The following IMMP2L variants were observed in gnomAD, a reference collection of about 807,000 sequenced individuals.
IMMP2L encodes the protein inner mitochondrial membrane peptidase subunit 2, also known as mitochondrial inner membrane protease subunit 2.
A neutral mutation model predicts 19.3 loss-of-function variants in IMMP2L; 18 were observed. That is an observed-to-expected ratio of 0.93 (90% CI 0.64 to 1.38). IMMP2L has a LOEUF of 1.38. Among genes scored for constraint, IMMP2L ranks in the 40% most tolerant of loss-of-function variants. The probability of loss-of-function intolerance (pLI) is 0.00; values close to 1 mark genes in which losing one functional copy is unlikely to be tolerated. For synonymous variants in IMMP2L, 76 were observed against 73.0 expected (o/e 1.04, Z -0.21); for missense variants, 233 against 218.2 (o/e 1.07, Z -0.43).
chr7:111,450,532 T>G (rs1226883642), intron 3 of IMMP2L, among the ~76,000 whole-genome samples: 1 of 150,560 alleles, frequency 6.6e-6, no homozygotes, highest in Non-Finnish European at 1.5e-5. Context: ...CTGGATCCCT[T>G]CCTTACACCT....
At chr7:111,398,750 T>C (rs760989902) in intron 3 of IMMP2L, among the ~76,000 whole-genome samples, 16 of 151,956 alleles carry the variant, frequency 1.1e-4, no homozygotes, top group Non-Finnish European at 2.1e-4. Flanking sequence ...AGAAAGCTCC[T>C]AGAACTGATA....
At position 111,401,028 on chromosome 7, in the gene IMMP2L, T is replaced by C. The variant is rs543261426; in HGVS notation, c.239+86210A>G. 9.5e-4 allele frequency among the ~76,000 whole-genome samples: 145 copies of C among 152,296 alleles called. 1 individual carries two copies. Among genetic ancestry groups the C allele is most frequent in the Non-Finnish European group, 3.5e-4 (24 of 68,026 alleles). On this transcript the variant is annotated intron_variant, in intron 3 of 5. Transcript: ENST00000405709. ...ATTTCCTTGCTCTAGTTTAGTTGTT[T>C]TTAATATTTCCATAAATGTTGGGAG...
At chr7:111,161,612 A>G (rs1283465673) in intron 3 of IMMP2L, among the ~76,000 whole-genome samples, 2 of 152,014 alleles carry the variant, frequency 1.3e-5, no homozygotes, top group Non-Finnish European at 2.9e-5. Flanking sequence ...TGTTTTAGGT[A>G]TCCTATCATG....
intron 3 of IMMP2L, among the ~76,000 whole-genome samples, chr7:111,340,770 T>C (rs533921827): frequency 1.7e-4 from 26 of 152,230 alleles, no homozygotes; most frequent in African/African-American, 6.0e-4. Context: ...ATTGAACTTC[T>C]GTTATAAATA....
At chr7:111,538,633 T>TAA (rs34613701) in intron 1 of IMMP2L, among the ~76,000 whole-genome samples, 7,164 of 97,028 alleles carry the variant, frequency 0.074, 264 homozygotes, top group African/African-American at 0.095. Flanking sequence ...ACCCTGTCTC[T>TAA]AAAAAAAAAA....
At chr7:111,107,886 A>G (rs118050541) in intron 3 of IMMP2L, among the ~76,000 whole-genome samples, 2 of 152,126 alleles carry the variant, frequency 1.3e-5, no homozygotes, top group African/African-American at 4.8e-5. Flanking sequence ...CTTTTAAGTA[A>G]ATTTTACTAG....
intron 5 of IMMP2L, among the ~76,000 whole-genome samples, chr7:110,840,815 GT>G (rs1174264961): frequency 1.3e-5 from 2 of 151,604 alleles, no homozygotes; most frequent in African/African-American, 4.8e-5. Flanking sequence ...TATAATATTT[GT>G]TTTTTTAACT....
chr7:111,148,435 T>C (rs956368863), intron 3 of IMMP2L, among the ~76,000 whole-genome samples: 5 of 152,136 alleles, frequency 3.3e-5, no homozygotes, highest in East Asian at 1.9e-4. Flanking sequence ...TGAAATTCCA[T>C]AGTGGTAATA....
intron 3 of IMMP2L, among the ~76,000 whole-genome samples, chr7:111,096,470 A>T (rs530507400): frequency 6.6e-6 from 1 of 151,364 alleles, no homozygotes; most frequent in South Asian, 2.1e-4. Flanking sequence ...TTTATTTCTT[A>T]ATTTAAATCA....
intron 5 of IMMP2L, among the ~76,000 whole-genome samples, chr7:110,776,486 G>C (rs1258010777): frequency 6.6e-6 from 1 of 151,986 alleles, no homozygotes; most frequent in East Asian, 1.9e-4. Flanking sequence ...GAGCAGAGCA[G>C]AAGGCTTTCT....
chr7:111,178,333 G>A (rs1363257434), intron 3 of IMMP2L, among the ~76,000 whole-genome samples: 3 of 152,022 alleles, frequency 2.0e-5, no homozygotes, highest in Admixed American at 6.6e-5. Context: ...TCATCTGAGC[G>A]TTCGGCCAGT....
chr7:111,003,017 C>CT (rs1465178916), intron 3 of IMMP2L, among the ~76,000 whole-genome samples: 1 of 152,144 alleles, frequency 6.6e-6, no homozygotes, highest in Non-Finnish European at 1.5e-5. Context: ...CCAGAACATC[C>CT]TCTAGTTGAC....
chr7:110,799,406 T>C (rs1426612309), intron 5 of IMMP2L, among the ~76,000 whole-genome samples: 2 of 152,054 alleles, frequency 1.3e-5, no homozygotes, highest in African/African-American at 4.8e-5. Flanking sequence ...AGTCAGGACA[T>C]ATTTGTAGAC....
intron 5 of IMMP2L, among the ~76,000 whole-genome samples, chr7:110,699,874 C>T (rs1048014535): frequency 9.2e-5 from 14 of 151,932 alleles, no homozygotes; most frequent in Non-Finnish European, 1.5e-5. Flanking sequence ...AAGAAAAAAA[C>T]CATGTTATAA....
Position 111,197,002 on chromosome 7 carries a change from T to C in IMMP2L, c.240-233437A>G, listed in dbSNP as rs566847662. ...TACTTCCAGTTTTTCGTTTATGAAG[T>C]TTCCCTAAACTTCCACGAACTCTCT... is the stretch of plus-strand genomic sequence containing the variant. On this transcript the variant is annotated intron_variant, in intron 3 of 5. Transcript: ENST00000405709. 1.0e-3 allele frequency among the ~76,000 whole-genome samples: 155 copies of C among 152,298 alleles called. 1 individual carries two copies. The highest frequency in any genetic ancestry group is 1.2e-3 in the South Asian group (6 of 4,824).
At chr7:110,999,857 CT>C (rs2129561081) in intron 3 of IMMP2L, among the ~76,000 whole-genome samples, 1 of 152,100 alleles carries the variant, frequency 6.6e-6, no homozygotes, top group South Asian at 2.1e-4. Context: ...GGAATTTTGA[CT>C]GGGGTATTTG....
intron 5 of IMMP2L, among the ~76,000 whole-genome samples, chr7:110,674,773 C>T (rs188280516): frequency 1.5e-3 from 232 of 152,310 alleles, no homozygotes; most frequent in Non-Finnish European, 2.7e-3. Context: ...CTTCCAAACT[C>T]ATCTTCATGA....
intron 3 of IMMP2L, among the ~76,000 whole-genome samples, chr7:111,361,254 T>A (rs1257751568): frequency 1.3e-5 from 2 of 152,156 alleles, no homozygotes; most frequent in African/African-American, 4.8e-5. Context: ...CATAACTTAT[T>A]AACTGTGTGG....
At chr7:111,542,697 T>G (rs1476080964) in intron 1 of IMMP2L, among the ~76,000 whole-genome samples, 1 of 152,128 alleles carries the variant, frequency 6.6e-6, no homozygotes, top group Admixed American at 6.6e-5. Context: ...GAATACACAA[T>G]TAATTCAATC....
Sources: allele counts gnomAD v4.1 joint callset (sites outside exome capture counted in the v4.1 genomes callset), GRCh38; gene constraint gnomAD v4.1.1; transcripts MANE v1.5; gene names NCBI Gene and HGNC (gene_info 2026-07-23, HGNC 2026-07-21).